Variants in OSBPL9 observed in about 807,000 individuals in gnomAD.
The protein encoded by OSBPL9 is oxysterol binding protein like 9.
OSBPL9 carries 40 observed loss-of-function variants against 106.6 expected under a neutral mutation model. The observed-to-expected ratio is 0.38, with a 90% confidence interval of 0.29 to 0.49. OSBPL9 has a LOEUF of 0.49. OSBPL9 is among the 20% of genes least tolerant of loss of function. The pLI, the probability that OSBPL9 is intolerant of heterozygous loss-of-function variation, is 0.97. For synonymous variants in OSBPL9, 269 were observed against 295.4 expected (o/e 0.91, Z 0.92); for missense variants, 609 against 887.2 (o/e 0.69, Z 3.98).
At chr1:51,545,309 A>C in the OSBPL9 span, among the ~76,000 whole-genome samples, 7 of 152,356 alleles carry the variant, frequency 4.6e-5, no homozygotes, top group Non-Finnish European at 8.8e-5. Flanking sequence ...AAATACATAG[A>C]TACAACAGGC....
chr1:51,560,584 C>T, the OSBPL9 span, among the ~76,000 whole-genome samples: 20 of 152,294 alleles, frequency 1.3e-4, no homozygotes, highest in South Asian at 3.7e-3. Context: ...GAATCATGGC[C>T]AAGGCCTTTA....
chr1:51,591,728 G>T (rs1334276958), intron 1 of OSBPL9, among the ~76,000 whole-genome samples: 1 of 152,074 alleles, frequency 6.6e-6, no homozygotes, highest in Non-Finnish European at 1.5e-5. Context: ...GGAGGTGGAG[G>T]TTGCAGTGAG....
chr1:51,531,791 G>C, the OSBPL9 span, among the ~76,000 whole-genome samples: 1 of 152,154 alleles, frequency 6.6e-6, no homozygotes, highest in Non-Finnish European at 1.5e-5. Flanking sequence ...GAGGTTGGGT[G>C]AGACTGTCCA....
At chr1:51,614,778 C>G (rs1644014197), upstream of OSBPL9, among the ~76,000 whole-genome samples, 1 of 152,164 alleles carries the variant, frequency 6.6e-6, no homozygotes, top group Admixed American at 6.5e-5. Flanking sequence ...ATCCTTGAAA[C>G]AACCTTTGTA....
At chr1:51,753,786 A>G (rs925279810) in intron 8 of OSBPL9, among the ~76,000 whole-genome samples, 8 of 152,180 alleles carry the variant, frequency 5.3e-5, no homozygotes, top group Non-Finnish European at 1.2e-4. Context: ...TCCTGCCTAA[A>G]TGATTAGTGT....
At chr1:51,749,977 A>T (rs1199612597) in intron 7 of OSBPL9, among the ~76,000 whole-genome samples, 168 bp from the exon 8 acceptor site, 1 of 151,972 alleles carries the variant, frequency 6.6e-6, no homozygotes, top group Admixed American at 6.6e-5. Context: ...GAATAACTTC[A>T]TTTGGCATTA....
intron 1 of OSBPL9, among the ~76,000 whole-genome samples, chr1:51,647,386 A>G (rs371213415): frequency 6.6e-6 from 1 of 151,604 alleles, no homozygotes; most frequent in African/African-American, 2.4e-5. Flanking sequence ...TTTACGTACG[A>G]TTTTTTTTCT....
chr1:51,733,724 G>A (rs189834337), intron 4 of OSBPL9, among the ~76,000 whole-genome samples: 3 of 152,028 alleles, frequency 2.0e-5, no homozygotes, highest in South Asian at 2.1e-4. Context: ...GCAGTGAGCC[G>A]AGGTCACACC....
intron 2 of OSBPL9, among the ~76,000 whole-genome samples, chr1:51,608,890 A>C (rs1643967020): frequency 6.6e-6 from 1 of 152,150 alleles, no homozygotes; most frequent in Non-Finnish European, 1.5e-5. Flanking sequence ...ATTCAAAACA[A>C]GATAAGCCAG....
At chr1:51,536,191 T>C in the OSBPL9 span, among the ~76,000 whole-genome samples, 1 of 152,360 alleles carries the variant, frequency 6.6e-6, no homozygotes, top group African/African-American at 2.4e-5. Flanking sequence ...ATTTCACTAA[T>C]TGGCCTGATA....
At chr1:51,705,357 A>G (rs1553168541) in intron 3 of OSBPL9, among the ~76,000 whole-genome samples, 1 of 108,202 alleles carries the variant, frequency 9.2e-6, no homozygotes, top group Non-Finnish European at 1.8e-5. Context: ...TCTCCTCTGT[A>G]TGAGTATTTA....
chr1:51,723,347 C>T (rs751605738), intron 4 of OSBPL9, among the ~76,000 whole-genome samples: 1 of 152,206 alleles, frequency 6.6e-6, no homozygotes, highest in Non-Finnish European at 1.5e-5. Context: ...AACTTTTTAA[C>T]ATCTCCATAG....
the OSBPL9 span, among the ~76,000 whole-genome samples, chr1:51,524,380 G>T: frequency 6.6e-6 from 1 of 152,168 alleles, no homozygotes; most frequent in Non-Finnish European, 1.5e-5. Flanking sequence ...GGTCCTGCAG[G>T]TTCTTTGGTG....
At chr1:51,728,487 T>TAG (rs1663538634) in intron 4 of OSBPL9, among the ~76,000 whole-genome samples, 2 of 152,180 alleles carry the variant, frequency 1.3e-5, no homozygotes, top group Admixed American at 1.3e-4. Flanking sequence ...CTAGGAGGAC[T>TAG]ACTAGGTTTA....
At chr1:51,520,217 G>T in the OSBPL9 span, among the ~76,000 whole-genome samples, 3 of 151,986 alleles carry the variant, frequency 2.0e-5, no homozygotes, top group Non-Finnish European at 4.4e-5. Flanking sequence ...TTTCTATATC[G>T]TCAGACCCTA....
chr1:51,595,362 TATCCTTCC>T (rs774225640), intron 1 of OSBPL9, among the ~76,000 whole-genome samples: 2 of 152,160 alleles, frequency 1.3e-5, no homozygotes, highest in African/African-American at 2.4e-5. Flanking sequence ...TCTATCCTTC[TATCCTTCC>T]ATCCATCCAT....
At chr1:51,536,966 G>A in the OSBPL9 span, among the ~76,000 whole-genome samples, 1 of 152,080 alleles carries the variant, frequency 6.6e-6, no homozygotes, top group African/African-American at 2.4e-5. Context: ...CTGTAGAGAG[G>A]GACTTTGAAA....
the OSBPL9 span, among the ~76,000 whole-genome samples, chr1:51,550,568 A>G: frequency 6.6e-6 from 1 of 152,142 alleles, no homozygotes; most frequent in Non-Finnish European, 1.5e-5. Flanking sequence ...GCTGGAGTGC[A>G]GTTGTGCGAT....
chr1:51,782,481 A>T, intron 16 of OSBPL9, 78 bp from the exon 17 acceptor site: 4 of 1,124,772 alleles, frequency 3.6e-6, no homozygotes, highest in Admixed American at 2.0e-5. Context: ...GAGCGAGCAG[A>T]GACCCCAATT....
Sources: allele counts gnomAD v4.1 joint callset (sites outside exome capture counted in the v4.1 genomes callset), GRCh38; gene constraint gnomAD v4.1.1; transcripts MANE v1.5; gene names NCBI Gene and HGNC (gene_info 2026-07-23, HGNC 2026-07-21).